ZNF687: variants seen among roughly 807,000 people sequenced by gnomAD.
The protein encoded by ZNF687 is zinc finger protein 687.
Under a neutral mutation model 71.8 loss-of-function variants are expected in ZNF687, and 13 were observed. That is an observed-to-expected ratio of 0.18 (90% CI 0.12 to 0.29). The LOEUF (loss-of-function observed/expected upper bound fraction) is 0.29. ZNF687 is among the 10% of genes least tolerant of loss of function. ZNF687 has a pLI of 1.00. For synonymous variants in ZNF687, 673 were observed against 641.6 expected, an observed-to-expected ratio of 1.05 and a Z score of -0.74; for missense variants, 1,412 against 1,625.6, an observed-to-expected ratio of 0.87 and a Z score of 2.26.
intron 1 of ZNF687, among the ~76,000 whole-genome samples, chr1:151,284,616 C>T (rs182202026): frequency 3.5e-4 from 54 of 152,128 alleles, no homozygotes; most frequent in Admixed American, 1.7e-3. Context: ...CTCTTGCCTC[C>T]GACCCCAGCC....
rs1235640481 is a variant in ZNF687, at chr1:151,287,248, C to T, written c.957C>T (p.Ser319=). 24 of 1,614,124 alleles carry T rather than the reference C, an allele frequency of 1.5e-5. No individual in the cohort carries two copies. The highest frequency in any genetic ancestry group is 1.9e-5 in the Non-Finnish European group (23 of 1,180,014). The change falls in exon 2 of 9, where the codon TCC becomes TCT. Residue 319 remains serine (S), a synonymous_variant. Coordinates refer to ENST00000336715, the MANE Select transcript of ZNF687 (RefSeq NM_020832.3). The surrounding 1 kb of genome is among the most constrained non-coding windows in gnomAD (Gnocchi z 5.0). ...CTGCAGATGAGGACAGCAATGACTC[C>T]CCTGCCTCCAGCTCCTCTAGGCCTC... ...AEAADEDSND[S]PASSSSRPLK... is the part of the protein sequence containing the mutation.
chr1:151,287,783 G>A lies in ZNF687; in HGVS notation c.1492G>A (p.Val498Met), dbSNP rs1398536321. 3 of 1,614,120 alleles carry A rather than the reference G, an allele frequency of 1.9e-6. No individual in the cohort carries two copies. Among genetic ancestry groups the A allele is most frequent in the Non-Finnish European group, 2.5e-6 (3 of 1,180,026 alleles). Residue 498 changes from valine to methionine, a missense_variant, in exon 2 of 9, where the codon GTG (valine) becomes ATG (methionine). Coordinates refer to ENST00000336715, the MANE Select transcript of ZNF687 (RefSeq NM_020832.3). This position sits in a 1 kb window ranked among gnomAD's most constrained non-coding sequence, Gnocchi z 5.0. Reference sequence around the variant, plus strand: ...GATATCACGGACCCAGTCCAGCCTGGTGGAGGCCTTCAACAAGATCCTCAA... The same window carrying A: ...GATATCACGGACCCAGTCCAGCCTGATGGAGGCCTTCAACAAGATCCTCAA... ...TVISRTQSSL[V>M]EAFNKILNSK...
chr1:151,282,322 A>T lies in ZNF687; in HGVS notation c.-91A>T. 1.0e-6 allele frequency: 1 copy of T among 1,000,914 alleles called. No homozygotes were observed. The highest frequency in any genetic ancestry group is 1.2e-6 in the Non-Finnish European group (1 of 837,298). The allele number at this position is 1,000,914 out of a possible 1,614,324, so 62.0% of individuals were successfully genotyped here. A position where few individuals can be genotyped will look rare whatever the true frequency, so the allele number is the denominator to read the frequency against. The stretch of plus-strand genomic sequence containing the variant: ...GCAGGAAGTAGCGGCGGCCGCGGGG[A>T]GGGCGGCGGTGGCTGCAGCGGCTGG... On this transcript the variant is annotated 5_prime_UTR_variant, in exon 1 of 9. Transcript: ENST00000336715.
At position 151,289,475 on chromosome 1, in the gene ZNF687, G is replaced by A. The variant is rs1694100811; in HGVS notation, c.2569G>A (p.Val857Ile). The change falls in exon 5 of 9, where the codon GTC becomes ATC. Residue 857 changes from valine (V) to isoleucine (I), a missense_variant. Around this residue, in one of 8 missense-constraint regions of ZNF687, gnomAD observed 106 missense variants for 146.0 expected, o/e 0.73. Coordinates refer to ENST00000336715, the MANE Select transcript of ZNF687 (RefSeq NM_020832.3). Reference sequence around the variant, plus strand: ...GCACTTGCTGCCCCAGCGTGTCAGTGTCTTTAAGTGCCCGTCTTGTCCTCT... The same window carrying A: ...GCACTTGCTGCCCCAGCGTGTCAGTATCTTTAAGTGCCCGTCTTGTCCTCT... Reference protein sequence around the residue: ...DQHLLPQRVSVFKCPSCPLLF... With the variant: ...DQHLLPQRVSIFKCPSCPLLF... The A allele has an allele frequency of 6.2e-7, 1 of 1,614,146 alleles. No homozygotes were observed.
chr1:151,287,222 G>T lies in ZNF687; in HGVS notation c.931G>T (p.Ala311Ser), dbSNP rs1455798079. Reference protein sequence around the residue: ...SPQSPSSGAEAADEDSNDSPA... With the variant: ...SPQSPSSGAESADEDSNDSPA... ...CCAGAGTCCCTCTAGTGGGGCCGAG[G>T]CTGCAGATGAGGACAGCAATGACTC... Residue 311 changes from alanine to serine, a missense_variant, in exon 2 of 9, where the codon GCT (alanine) becomes TCT (serine). Ala to Ser is a moderately conservative substitution (Grantham distance 99, BLOSUM62 1). This residue lies in a region of ZNF687 where 490 missense variants were observed against 489.9 expected (regional missense o/e 1.00). Transcript: ENST00000336715. This position sits in a 1 kb window ranked among gnomAD's most constrained non-coding sequence, Gnocchi z 5.0. The T allele has an allele frequency of 1.9e-6, 3 of 1,614,082 alleles. No homozygotes were observed. Among genetic ancestry groups the T allele is most frequent in the African/African-American group, 1.3e-5 (1 of 74,928 alleles).
chr1:151,286,249 C>G (rs1693940206), intron 1 of ZNF687, 26 bp from the exon 2 acceptor site: 1 of 1,507,850 alleles, frequency 6.6e-7, no homozygotes, highest in Admixed American at 2.3e-5. Context: ...ATCTCAGTTT[C>G]TCCTCCTCGT....
intron 1 of ZNF687, chr1:151,283,154 C>G: frequency 1.0e-6 from 1 of 985,468 alleles, no homozygotes; most frequent in Non-Finnish European, 1.2e-6. Flanking sequence ...TGTAGTTTCT[C>G]ATGTGTACAC....
chr1:151,284,655 G>A (rs1693866567), intron 1 of ZNF687, among the ~76,000 whole-genome samples: 1 of 151,752 alleles, frequency 6.6e-6, no homozygotes, highest in African/African-American at 2.4e-5. Flanking sequence ...TTCCTTTCCA[G>A]TTCCTCCTTG....
rs1215106993 is a variant in ZNF687, at chr1:151,290,565, A to G, written c.3211A>G (p.Arg1071Gly). Residue 1071 changes from arginine to glycine, a missense_variant, in exon 8 of 9, where the codon AGA becomes GGA. This residue lies in a region of ZNF687 where 284 missense variants were observed against 359.2 expected (regional missense o/e 0.79). Coordinates refer to ENST00000336715, the MANE Select transcript of ZNF687 (RefSeq NM_020832.3). ...CACCTTGGCTCGGGGTTCCAGTGCCAGAGCCCAGGTAGGCAGAGGCCCGGC... is the reference window on the plus strand; with the variant it reads ...CACCTTGGCTCGGGGTTCCAGTGCCGGAGCCCAGGTAGGCAGAGGCCCGGC... Reference protein sequence around the residue: ...GTTLARGSSARAQGPGRKRRQ... With the variant: ...GTTLARGSSAGAQGPGRKRRQ... The G allele has an allele frequency of 6.2e-7, 1 of 1,613,274 alleles. No individual in the cohort carries two copies. The highest frequency in any genetic ancestry group is 2.2e-5 in the East Asian group (1 of 44,894).
rs1694084593 is a variant in ZNF687, at chr1:151,289,147, A to G, written c.2347A>G (p.Ile783Val). 6.2e-7 allele frequency: 1 copy of G among 1,614,212 alleles called. No homozygotes were observed. Among genetic ancestry groups the G allele is most frequent in the Non-Finnish European group, 8.5e-7 (1 of 1,180,040 alleles). ...GGGTGTGAACTCCATCAAGTCCCAC[A>G]TCCAGACGTCGCACTGCGAGGTTTT... ...FGGVNSIKSH[I>V]QTSHCEVFHK... is the part of the protein sequence containing the mutation. Residue 783 changes from isoleucine to valine, a missense_variant, in exon 4 of 9, where the codon ATC becomes GTC. Ile to Val is a conservative substitution (Grantham distance 29). Transcript: ENST00000336715.
intron 3 of ZNF687, 57 bp from the exon 4 acceptor site, chr1:151,289,038 G>A (rs1446347190): frequency 5.7e-6 from 9 of 1,566,308 alleles, no homozygotes; most frequent in Non-Finnish European, 7.0e-6. Context: ...GTATGGTCCC[G>A]GGGTGGGCAT....
Position 151,291,383 on chromosome 1 carries a change from T to A in ZNF687, c.*174T>A. 1.1e-6 allele frequency: 1 copy of A among 907,800 alleles called. No individual in the cohort carries two copies. Among genetic ancestry groups the A allele is most frequent in the Non-Finnish European group, 1.6e-6 (1 of 623,254 alleles). The allele number at this position is 907,800 out of a possible 1,614,324, so 56.2% of individuals were successfully genotyped here. A position where few individuals can be genotyped will look rare whatever the true frequency, so the allele number is the denominator to read the frequency against. ...TTATTCTAGTTATTTGCAACCTCCCTTTGGGTTTGGCCCTGGAGTCCTAGT... is the reference window on the plus strand; with the variant it reads ...TTATTCTAGTTATTTGCAACCTCCCATTGGGTTTGGCCCTGGAGTCCTAGT... On this transcript the variant is annotated 3_prime_UTR_variant, in exon 9 of 9. Coordinates refer to ENST00000336715, the MANE Select transcript of ZNF687 (RefSeq NM_020832.3).
In ZNF687 at chr1:151,289,384, C is replaced by T. The variant is rs750441352; in HGVS notation, c.2478C>T (p.Ile826=). 4.2e-5 allele frequency: 68 copies of T among 1,614,072 alleles called. 1 individual carries two copies. The highest frequency in any genetic ancestry group is 5.6e-5 in the Non-Finnish European group (66 of 1,180,052). ...TGCACTGTCCTCACTTCAGGCTGATCTACAAGTGCGCCATGTGCGACACAG... is the reference window on the plus strand; with the variant it reads ...TGCACTGTCCTCACTTCAGGCTGATTTACAAGTGCGCCATGTGCGACACAG... The part of the protein sequence containing the change: ...PSFQTQQAKL[I]YKCAMCDTVF... The change falls in exon 5 of 9, where the codon ATC becomes ATT. Residue 826 remains isoleucine (I), a synonymous_variant. Coordinates refer to ENST00000336715, the MANE Select transcript of ZNF687 (RefSeq NM_020832.3).
At position 151,290,273 on chromosome 1, in the gene ZNF687, G is replaced by A. The variant is rs375605592; in HGVS notation, c.3077+39G>A. 27 of 1,611,010 alleles carry A rather than the reference G, an allele frequency of 1.7e-5. No individual in the cohort carries two copies. In the African/African-American group the frequency reaches 2.3e-4, roughly 14 times the overall value. ...CCCGCTTCCTCTTCCTGCCCAGCACGTGACTCTCCCTGTATGCCAAAGTAC... is the reference window on the plus strand; with the variant it reads ...CCCGCTTCCTCTTCCTGCCCAGCACATGACTCTCCCTGTATGCCAAAGTAC... On this transcript the variant is annotated intron_variant, in intron 7 of 8. Coordinates refer to ENST00000336715, the MANE Select transcript of ZNF687 (RefSeq NM_020832.3).
At chr1:151,283,328 G>T (rs957473982) in intron 1 of ZNF687, 2 of 984,730 alleles carry the variant, frequency 2.0e-6, no homozygotes, top group Middle Eastern at 5.2e-4. Context: ...GGTCAGTGGA[G>T]CCCCCACTCG....
rs1357560537 is a variant in ZNF687 at position 151,286,643 on chromosome 1, G to C, written c.352G>C (p.Val118Leu). ...QAAGVTKEGP[V>L]GPHRMQNGFG... ...TGCTGGGGTAACTAAAGAAGGGCCT[G>C]TGGGGCCTCATCGAATGCAGAATGG... Residue 118 changes from valine to leucine, a missense_variant, in exon 2 of 9, where the codon GTG (valine) becomes CTG (leucine). Transcript: ENST00000336715. 6.8e-6 allele frequency: 11 copies of C among 1,614,124 alleles called. No individual in the cohort carries two copies. Among genetic ancestry groups the C allele is most frequent in the Non-Finnish European group, 8.5e-6 (10 of 1,180,044 alleles).
chr1:151,289,281 G>GGGGGAGGGCCGGGCTGGGCC lies in ZNF687; in HGVS notation c.2471+11_2471+30dup, dbSNP rs1557772788. The GGGGGAGGGCCGGGCTGGGCC allele has an allele frequency of 1.2e-6, 2 of 1,613,164 alleles. No homozygotes were observed. On this transcript the variant is annotated intron_variant, in intron 4 of 8. Transcript: ENST00000336715. ...AAACTCAGCAGGCCAAGTGAGGCCC[G>GGGGGAGGGCCGGGCTGGGCC]GGGGAGGGCCGGGCTGGGCCAGGGA...
intron 8 of ZNF687, 63 bp from the exon 9 acceptor site, chr1:151,290,652 G>C: frequency 6.3e-7 from 1 of 1,578,874 alleles, no homozygotes; most frequent in Non-Finnish European, 8.6e-7. Context: ...CAGGAAGCGA[G>C]CATGGGGGTG....
At position 151,286,750 on chromosome 1, in the gene ZNF687, C is replaced by T; in HGVS notation, c.459C>T (p.Gly153=). The T allele has an allele frequency of 6.2e-7, 1 of 1,614,236 alleles. No homozygotes were observed. Among genetic ancestry groups the T allele is most frequent in the Non-Finnish European group, 8.5e-7 (1 of 1,180,040 alleles). ...PPSGGTWKEK[G]MEGKTPLDLF... ...GTGGGGGCACCTGGAAAGAAAAAGG[C>T]ATGGAAGGCAAAACTCCCTTGGACC... Residue 153 remains glycine (G), a synonymous_variant, in exon 2 of 9, where the codon GGC becomes GGT. Coordinates refer to ENST00000336715, the MANE Select transcript of ZNF687 (RefSeq NM_020832.3).
Sources: allele counts gnomAD v4.1 joint callset (sites outside exome capture counted in the v4.1 genomes callset), GRCh38; gene constraint gnomAD v4.1.1; regional missense constraint gnomAD v4.1.1; non-coding constraint Gnocchi (gnomAD v3.1); transcripts MANE v1.5; gene names NCBI Gene and HGNC (gene_info 2026-07-23, HGNC 2026-07-21).